Variants in CAMK2D observed in about 807,000 individuals in gnomAD.
The protein encoded by CAMK2D is calcium/calmodulin dependent protein kinase II delta.
A neutral mutation model predicts 84.0 loss-of-function variants in CAMK2D; 37 were observed. The ratio of observed to expected loss-of-function variants is 0.44; its 90% CI spans 0.34 to 0.58. CAMK2D has a LOEUF of 0.58. Ranked by LOEUF, CAMK2D falls within the 20% of genes least tolerant of loss-of-function variation. The pLI, the probability that CAMK2D is intolerant of heterozygous loss-of-function variation, is 0.02. For synonymous variants in CAMK2D, 202 were observed against 212.5 expected (o/e 0.95, Z 0.43); for missense variants, 448 against 652.5 (o/e 0.69, Z 3.41).
intron 16 of CAMK2D, among the ~76,000 whole-genome samples, chr4:113,485,000 C>G (rs1351511679): frequency 6.6e-6 from 1 of 152,082 alleles, no homozygotes; most frequent in Non-Finnish European, 1.5e-5. Context: ...AATGTGAGGG[C>G]TGAGGGATTC....
chr4:113,522,942 C>T (rs1008328834), intron 8 of CAMK2D, among the ~76,000 whole-genome samples: 1 of 151,986 alleles, frequency 6.6e-6, no homozygotes, highest in Non-Finnish European at 1.5e-5. Context: ...TGTGGTGGGG[C>T]CTTTGGGAGA....
At chr4:113,581,977 A>G (rs767023313) in intron 4 of CAMK2D, among the ~76,000 whole-genome samples, 1 of 152,176 alleles carries the variant, frequency 6.6e-6, no homozygotes, top group African/African-American at 2.4e-5. Flanking sequence ...CGCTGGCTCA[A>G]TGATTCTCTG....
intron 2 of CAMK2D, among the ~76,000 whole-genome samples, chr4:113,676,828 T>C (rs1204938678): frequency 1.3e-5 from 2 of 152,248 alleles, no homozygotes; most frequent in African/African-American, 4.8e-5. Flanking sequence ...TTTTCACAAC[T>C]TACTATTCTT....
intron 2 of CAMK2D, chr4:113,754,446 A>T (rs2099623890): frequency 1.1e-6 from 1 of 938,896 alleles, no homozygotes. Context: ...CATTAAAAAG[A>T]TCCATAAAAG....
chr4:113,640,679 C>T (rs962486282), intron 3 of CAMK2D, among the ~76,000 whole-genome samples: 1 of 152,140 alleles, frequency 6.6e-6, no homozygotes, highest in African/African-American at 2.4e-5. Context: ...AGAGCAATTT[C>T]TTAGGAACAC....
At chr4:113,596,100 G>A (rs948705030) in intron 4 of CAMK2D, among the ~76,000 whole-genome samples, 2 of 152,190 alleles carry the variant, frequency 1.3e-5, no homozygotes, top group Non-Finnish European at 2.9e-5. Flanking sequence ...ATTCAACAAT[G>A]TTCACAGTAT....
intron 16 of CAMK2D, among the ~76,000 whole-genome samples, chr4:113,471,695 T>C (rs1484541812): frequency 6.6e-6 from 1 of 152,216 alleles, no homozygotes; most frequent in Non-Finnish European, 1.5e-5. Context: ...CTCTCGGAAG[T>C]TCCTGACCCT....
At chr4:113,556,818 G>C (rs2098667987) in intron 4 of CAMK2D, among the ~76,000 whole-genome samples, 2 of 152,150 alleles carry the variant, frequency 1.3e-5, no homozygotes, top group African/African-American at 2.4e-5. Flanking sequence ...AACCACTGGT[G>C]TAAGGGTCTG....
chr4:113,582,581 CTG>C (rs2098815644), intron 4 of CAMK2D, among the ~76,000 whole-genome samples: 1 of 23,536 alleles, frequency 4.2e-5, no homozygotes, highest in African/African-American at 1.1e-4. Context: ...GCTGCTCTTA[CTG>C]AGGAACTTTC....
chr4:113,635,623 T>C (rs2099107094), intron 3 of CAMK2D, among the ~76,000 whole-genome samples: 1 of 152,212 alleles, frequency 6.6e-6, no homozygotes, highest in South Asian at 2.1e-4. Context: ...AATATGTTAG[T>C]ATGTTAAATA....
At chr4:113,615,171 A>T (rs1271670575) in intron 3 of CAMK2D, among the ~76,000 whole-genome samples, 2 of 152,142 alleles carry the variant, frequency 1.3e-5, no homozygotes, top group Non-Finnish European at 2.9e-5. Context: ...ATTATAATTC[A>T]TAGCTAAAAC....
rs1231238826 is a variant in CAMK2D, at chr4:113,508,353, A to G, written c.984+1285T>C. ...AGTATCAAAGCATGGAGTATAGAAT[A>G]ATTTTGTTTTTAAAGAGGAGCTATA... On this transcript the variant is annotated intron_variant, in intron 13 of 20. Coordinates refer to ENST00000511664, the MANE Select transcript of CAMK2D (RefSeq NM_001321571.2). 2.9e-6 allele frequency: 3 copies of G among 1,025,266 alleles called. No homozygotes were observed. The African/African-American group carries it at 4.8e-5, about 16-fold the overall frequency. 63.5% of individuals were successfully genotyped at this position (1,025,266 alleles called of 1,614,324 possible).
chr4:113,458,477 T>C (rs568791900), intron 18 of CAMK2D, among the ~76,000 whole-genome samples: 27 of 152,306 alleles, frequency 1.8e-4, no homozygotes, highest in Admixed American at 3.9e-4. Context: ...AAATACCCCA[T>C]TATGAAGGAA....
At chr4:113,605,142 C>T (rs1051216502) in intron 4 of CAMK2D, among the ~76,000 whole-genome samples, 45 of 152,320 alleles carry the variant, frequency 3.0e-4, no homozygotes, top group Admixed American at 1.3e-4. Context: ...AAGATTGACT[C>T]ATCACAGAAG....
At chr4:113,470,461 A>G (rs1250031843) in intron 16 of CAMK2D, among the ~76,000 whole-genome samples, 1 of 152,086 alleles carries the variant, frequency 6.6e-6, no homozygotes, top group East Asian at 1.9e-4. Flanking sequence ...AACATGGTGA[A>G]ACCCCGTCTC....
At chr4:113,567,575 T>C (rs2098731893) in intron 4 of CAMK2D, among the ~76,000 whole-genome samples, 1 of 152,216 alleles carries the variant, frequency 6.6e-6, no homozygotes, top group Non-Finnish European at 1.5e-5. Flanking sequence ...TATAAAACTA[T>C]ATAAAATAGT....
In CAMK2D at chr4:113,554,927, A is replaced by G. The variant is rs988252600; in HGVS notation, c.276-2831T>C. 1.4e-4 allele frequency among the ~76,000 whole-genome samples: 21 copies of G among 152,184 alleles called. 1 individual carries two copies. Among genetic ancestry groups the G allele is most frequent in the African/African-American group, 4.6e-4 (19 of 41,528 alleles). On this transcript the variant is annotated intron_variant, in intron 4 of 20. Transcript: ENST00000511664. ...TTTGAAGCATTAATTACCATTTATG[A>G]AATCTCCAGAACATTAGGGCTCACA... is the stretch of plus-strand genomic sequence containing the variant.
intron 3 of CAMK2D, among the ~76,000 whole-genome samples, chr4:113,646,717 G>T (rs114073921): frequency 2.0e-5 from 3 of 152,294 alleles, no homozygotes; most frequent in Non-Finnish European, 4.4e-5. Flanking sequence ...AGCTAAGAAG[G>T]GAGAGAGGGT....
At chr4:113,657,988 C>T (rs1428981263) in intron 3 of CAMK2D, among the ~76,000 whole-genome samples, 1 of 152,108 alleles carries the variant, frequency 6.6e-6, no homozygotes, top group Non-Finnish European at 1.5e-5. Context: ...AGAGCAAATG[C>T]TGTTTTCCCT....
Sources: allele counts gnomAD v4.1 joint callset (sites outside exome capture counted in the v4.1 genomes callset), GRCh38; gene constraint gnomAD v4.1.1; transcripts MANE v1.5; gene names NCBI Gene and HGNC (gene_info 2026-07-23, HGNC 2026-07-21).